Variants in SPATA18 observed in about 807,000 individuals in gnomAD.
SPATA18 encodes spermatogenesis associated 18, also known as mitochondria-eating protein.
A neutral mutation model predicts 68.1 loss-of-function variants in SPATA18; 54 were observed. That is an observed-to-expected ratio of 0.79 (90% CI 0.64 to 0.99). SPATA18 has a LOEUF of 0.99. SPATA18 is among the 50% of genes least tolerant of loss of function. SPATA18 has a pLI of 0.00. For synonymous variants in SPATA18, 242 were observed against 244.8 expected (o/e 0.99, Z 0.11); for missense variants, 724 against 681.1 (o/e 1.06, Z -0.70).
At chr4:52,094,009 T>A (rs976540192) in intron 11 of SPATA18, among the ~76,000 whole-genome samples, 5 of 152,196 alleles carry the variant, frequency 3.3e-5, no homozygotes, top group African/African-American at 9.7e-5. Context: ...TCTATTTATC[T>A]AGAGTGTTTG....
At chr4:52,089,365 A>T (rs1456351343) in intron 11 of SPATA18, among the ~76,000 whole-genome samples, 1 of 151,942 alleles carries the variant, frequency 6.6e-6, no homozygotes, top group Admixed American at 6.6e-5. Flanking sequence ...TAGTTCTTTT[A>T]ATTTTGATGT....
intron 7 of SPATA18, 119 bp downstream of exon 7, chr4:52,077,159 T>C: frequency 9.1e-7 from 1 of 1,095,564 alleles, no homozygotes; most frequent in East Asian, 2.8e-5. Context: ...TGGGGGAGAT[T>C]CCAGTCTCCC....
rs772282736 is a variant in SPATA18, at chr4:52,071,934, C to T, written c.536C>T (p.Ala179Val). 3 of 1,613,472 alleles carry T rather than the reference C, an allele frequency of 1.9e-6. No individual in the cohort carries two copies. In the African/African-American group the frequency reaches 4.0e-5, roughly 22 times the overall value. ...CTGTTCAGGCTTAAATCTCTTCAAG[C>T]TCAGGAGGATGCCCGCCACAGAAAC... ...QLKKQLKSLQ[A>V]QEDARHRNTD... The change falls in exon 6 of 13, where the codon GCT (alanine) becomes GTT (valine). Residue 179 changes from alanine (A) to valine (V), a missense_variant. Coordinates refer to ENST00000295213, the MANE Select transcript of SPATA18 (RefSeq NM_145263.4).
Position 52,058,774 on chromosome 4 carries a change from A to T in SPATA18, c.88-1645A>T, listed in dbSNP as rs562463723. ...TAAAAGTCAGTATAGTTTAGTAGTT[A>T]AGAGCATGGGCTCTGGAAGCTGGGC... On this transcript the variant is annotated intron_variant, in intron 1 of 12. Transcript: ENST00000295213. 2.5e-3 allele frequency among the ~76,000 whole-genome samples: 377 copies of T among 152,240 alleles called. 2 individuals are homozygous for T. Among genetic ancestry groups the T allele is most frequent in the African/African-American group, 8.7e-3 (361 of 41,550 alleles).
At chr4:52,079,251 G>A (rs1740692425) in intron 8 of SPATA18, among the ~76,000 whole-genome samples, 1 of 152,074 alleles carries the variant, frequency 6.6e-6, no homozygotes, top group African/African-American at 2.4e-5. Flanking sequence ...GTATGCTTTA[G>A]TTTTCTAATC....
chr4:52,060,369 G>T (rs2109417077), intron 1 of SPATA18, 50 bp from the exon 2 acceptor site: 1 of 1,495,770 alleles, frequency 6.7e-7, no homozygotes, highest in East Asian at 2.3e-5. Context: ...TCTGCAGTGG[G>T]TCCCAGAGTG....
At position 52,057,517 on chromosome 4, in the gene SPATA18, C is replaced by G. The variant is rs183464414; in HGVS notation, c.88-2902C>G. Among the ~76,000 whole-genome samples the G allele has an allele frequency of 2.1e-3, 324 of 152,286 alleles. 1 individual carries two copies. Among genetic ancestry groups the G allele is most frequent in the Middle Eastern group, 0.017 (5 of 294 alleles). On this transcript the variant is annotated intron_variant, in intron 1 of 12. Coordinates refer to ENST00000295213, the MANE Select transcript of SPATA18 (RefSeq NM_145263.4). ...TTTAAAAACTCATTTGACCACCATT[C>G]CTCTGGGTACCCAGTATGTACCAGG...
rs372581978 is a variant in SPATA18, at chr4:52,051,759, G to A, written c.55G>A (p.Glu19Lys). ...AAACGAAACTTTACGAACGTTGCAGGAAAAGCTAGACTTCTGGCTGAAGGA... is the reference window on the plus strand; with the variant it reads ...AAACGAAACTTTACGAACGTTGCAGAAAAAGCTAGACTTCTGGCTGAAGGA... ...VSNETLRTLQ[E>K]KLDFWLKEYN... Residue 19 changes from glutamate to lysine, a missense_variant, in exon 1 of 13, where the codon GAA (glutamate) becomes AAA (lysine). Transcript: ENST00000295213. 2 of 1,614,098 alleles carry A rather than the reference G, an allele frequency of 1.2e-6. No homozygotes were observed. The highest frequency in any genetic ancestry group is 1.7e-6 in the Non-Finnish European group (2 of 1,180,048).
intron 4 of SPATA18, among the ~76,000 whole-genome samples, chr4:52,065,154 A>G (rs908231824): frequency 6.6e-6 from 1 of 150,700 alleles, no homozygotes; most frequent in Admixed American, 6.6e-5. Context: ...CGTTCCTTGT[A>G]GATTCTGGAT....
At chr4:52,068,101 C>T (rs1428250781) in intron 4 of SPATA18, among the ~76,000 whole-genome samples, 2 of 152,156 alleles carry the variant, frequency 1.3e-5, no homozygotes, top group African/African-American at 2.4e-5. Context: ...GAAAAATACC[C>T]AAGTTCTTCA....
At chr4:52,089,976 G>A (rs1366982896) in intron 11 of SPATA18, among the ~76,000 whole-genome samples, 1 of 152,162 alleles carries the variant, frequency 6.6e-6, no homozygotes, top group Non-Finnish European at 1.5e-5. Flanking sequence ...TCTGTATTGG[G>A]TGCATATATA....
chr4:52,083,172 G>A, intron 10 of SPATA18: 1 of 985,390 alleles, frequency 1.0e-6, no homozygotes, highest in Non-Finnish European at 1.2e-6. Flanking sequence ...GATGGAACTG[G>A]TAGTGCTTGG....
chr4:52,063,698 C>T (rs1739081163), intron 4 of SPATA18, among the ~76,000 whole-genome samples: 1 of 152,040 alleles, frequency 6.6e-6, no homozygotes, highest in South Asian at 2.1e-4. Flanking sequence ...CTCATCCTTT[C>T]TAGGGAAGGG....
intron 7 of SPATA18, 36 bp from the exon 8 acceptor site, chr4:52,078,699 T>A: frequency 6.7e-7 from 1 of 1,496,306 alleles, no homozygotes. Flanking sequence ...ACCTACCTCT[T>A]TTCACCAAAT....
chr4:52,097,113 C>T lies in SPATA18; in HGVS notation c.*2226C>T, dbSNP rs2109559991. The T allele has an allele frequency of 6.6e-6, 1 of 152,192 alleles. No individual in the cohort carries two copies. Among genetic ancestry groups the T allele is most frequent in the African/African-American group, 2.4e-5 (1 of 41,528 alleles). The allele number at this position is 152,192 out of a possible 1,614,324, so 9.4% of individuals were successfully genotyped here. A position where few individuals can be genotyped will look rare whatever the true frequency, so the allele number is the denominator to read the frequency against. ...ATCCACAAAGCCAAAGGAGACTGGCCTATACTCATTTTATCTGGGGATGTA... is the reference window on the plus strand; with the variant it reads ...ATCCACAAAGCCAAAGGAGACTGGCTTATACTCATTTTATCTGGGGATGTA... On this transcript the variant is annotated 3_prime_UTR_variant, in exon 13 of 13. Coordinates refer to ENST00000295213, the MANE Select transcript of SPATA18 (RefSeq NM_145263.4).
chr4:52,073,531 G>A (rs561322959), intron 6 of SPATA18, among the ~76,000 whole-genome samples: 62 of 152,280 alleles, frequency 4.1e-4, no homozygotes, highest in African/African-American at 1.3e-3. Flanking sequence ...AGCTACTTGG[G>A]AGGTTGTGGT....
chr4:52,094,640 G>T, intron 12 of SPATA18, 68 bp downstream of exon 12: 1 of 1,485,852 alleles, frequency 6.7e-7, no homozygotes, highest in South Asian at 1.2e-5. Flanking sequence ...ACTTAGCACT[G>T]AGCAGCAAAA....
intron 11 of SPATA18, among the ~76,000 whole-genome samples, chr4:52,089,132 CT>C (rs61037896): frequency 0.024 from 3,679 of 152,208 alleles, 97 homozygotes; most frequent in African/African-American, 0.075. Flanking sequence ...GATGATACCC[CT>C]CTTATCATTT....
At chr4:52,051,992 G>A (rs1737922532) in intron 1 of SPATA18, among the ~76,000 whole-genome samples, 1 of 152,184 alleles carries the variant, frequency 6.6e-6, no homozygotes, top group South Asian at 2.1e-4. Context: ...TCAGAGCTTC[G>A]GGAGGCGGCG....
Sources: allele counts gnomAD v4.1 joint callset (sites outside exome capture counted in the v4.1 genomes callset), GRCh38; gene constraint gnomAD v4.1.1; transcripts MANE v1.5; gene names NCBI Gene and HGNC (gene_info 2026-07-23, HGNC 2026-07-21).